The following SETBP1 variants were observed in gnomAD, a reference collection of about 807,000 sequenced individuals.
The protein encoded by SETBP1 is SET binding protein 1, also known as SET-binding protein.
SETBP1 carries 9 observed loss-of-function variants against 101.0 expected under a neutral mutation model. The ratio of observed to expected loss-of-function variants is 0.09; its 90% CI spans 0.05 to 0.16. The LOEUF (loss-of-function observed/expected upper bound fraction) is 0.16. Ranked by LOEUF, SETBP1 falls within the 10% of genes least tolerant of loss-of-function variation. The pLI is 1.00. For missense variants in SETBP1, 1,858 were observed against 2,033.8 expected, an observed-to-expected ratio of 0.91 and a Z score of 1.66; for synonymous variants, 818 against 788.5, an observed-to-expected ratio of 1.04 and a Z score of -0.63.
chr18:44,766,624 G>A (rs1379480130), intron 2 of SETBP1, among the ~76,000 whole-genome samples: 3 of 152,136 alleles, frequency 2.0e-5, no homozygotes, highest in African/African-American at 7.2e-5. Flanking sequence ...GGATGGTGGT[G>A]ATGGTTGCGT....
intron 4 of SETBP1, among the ~76,000 whole-genome samples, chr18:44,996,340 T>A (rs1465464080): frequency 1.3e-5 from 2 of 152,208 alleles, no homozygotes; most frequent in Admixed American, 6.5e-5. Flanking sequence ...AGGCTCTCCA[T>A]CTACAAGGTA....
chr18:45,027,127 A>G (rs927662792), intron 4 of SETBP1, among the ~76,000 whole-genome samples: 4 of 152,212 alleles, frequency 2.6e-5, no homozygotes, highest in Admixed American at 2.0e-4. Context: ...GAATCGAGAG[A>G]GAGTGACTTC....
intron 2 of SETBP1, among the ~76,000 whole-genome samples, chr18:44,826,964 TTTC>T (rs1295872377): frequency 6.6e-6 from 1 of 152,210 alleles, no homozygotes; most frequent in Non-Finnish European, 1.5e-5. Context: ...TTTCTTGAGC[TTTC>T]TTCTTTATAT....
At chr18:44,833,901 G>A (rs992109091) in intron 2 of SETBP1, among the ~76,000 whole-genome samples, 3 of 152,222 alleles carry the variant, frequency 2.0e-5, no homozygotes, top group African/African-American at 4.8e-5. Flanking sequence ...CTGGTTTTGG[G>A]TATAAAAGGT....
intron 2 of SETBP1, among the ~76,000 whole-genome samples, chr18:44,777,916 G>A (rs147070422): frequency 6.6e-6 from 1 of 152,322 alleles, no homozygotes; most frequent in East Asian, 1.9e-4. Context: ...AAGCAGAGAC[G>A]GGGAGCCGCC....
intron 4 of SETBP1, among the ~76,000 whole-genome samples, chr18:45,037,877 G>T (rs1232197192): frequency 1.3e-5 from 2 of 152,214 alleles, no homozygotes; most frequent in East Asian, 3.9e-4. Context: ...TCTGGATCAT[G>T]TTTACTCCCC....
At chr18:44,939,259 C>T (rs2071032807) in intron 3 of SETBP1, among the ~76,000 whole-genome samples, 1 of 152,072 alleles carries the variant, frequency 6.6e-6, no homozygotes, top group Non-Finnish European at 1.5e-5. Flanking sequence ...CCACCACACT[C>T]TACCCTGGAA....
chr18:44,946,149 A>C (rs1412822077), intron 3 of SETBP1, among the ~76,000 whole-genome samples: 1 of 152,204 alleles, frequency 6.6e-6, no homozygotes, highest in Non-Finnish European at 1.5e-5. Flanking sequence ...TCTGCAGCCC[A>C]GCTGAGTGAA....
At chr18:44,766,263 G>A (rs769963956) in intron 2 of SETBP1, among the ~76,000 whole-genome samples, 1 of 152,190 alleles carries the variant, frequency 6.6e-6, no homozygotes, top group Non-Finnish European at 1.5e-5. Flanking sequence ...ATGGGGCTTG[G>A]CTTCAGTTCT....
chr18:44,761,672 G>C (rs888945487), intron 2 of SETBP1, among the ~76,000 whole-genome samples: 1 of 152,196 alleles, frequency 6.6e-6, no homozygotes, highest in Non-Finnish European at 1.5e-5. Flanking sequence ...TGTTATGTCA[G>C]TGTATTTCTT....
chr18:44,768,740 A>G (rs2070813491), intron 2 of SETBP1, among the ~76,000 whole-genome samples: 1 of 152,234 alleles, frequency 6.6e-6, no homozygotes, highest in African/African-American at 2.4e-5. Context: ...TGCAAACCTC[A>G]TAAAGTATAT....
At chr18:45,033,094 T>G (rs1272254249) in intron 4 of SETBP1, among the ~76,000 whole-genome samples, 1 of 152,204 alleles carries the variant, frequency 6.6e-6, no homozygotes, top group Non-Finnish European at 1.5e-5. Context: ...TTCCCCTTAT[T>G]GCCATGAATG....
intron 4 of SETBP1, among the ~76,000 whole-genome samples, chr18:44,994,348 C>A (rs929633829): frequency 2.6e-5 from 4 of 152,098 alleles, no homozygotes; most frequent in Admixed American, 6.5e-5. Context: ...GCCACAATCA[C>A]CCACACTGGC....
At chr18:44,967,444 A>G (rs1285971946) in intron 4 of SETBP1, among the ~76,000 whole-genome samples, 1 of 152,246 alleles carries the variant, frequency 6.6e-6, no homozygotes, top group Non-Finnish European at 1.5e-5. Context: ...TTGGTACTCT[A>G]TCATTGTTGT....
intron 4 of SETBP1, among the ~76,000 whole-genome samples, chr18:44,979,178 G>T (rs191353273): frequency 5.3e-5 from 8 of 152,254 alleles, no homozygotes; most frequent in Non-Finnish European, 1.2e-4. Flanking sequence ...GGGCTTTTTG[G>T]CCATTAGGGG....
chr18:44,874,427 T>A (rs1373991898), intron 3 of SETBP1, among the ~76,000 whole-genome samples: 1 of 152,152 alleles, frequency 6.6e-6, no homozygotes, highest in Admixed American at 6.5e-5. Flanking sequence ...TGAAGGTTCC[T>A]CAATGGGTAG....
At chr18:44,917,819 G>A (rs974467258) in intron 3 of SETBP1, among the ~76,000 whole-genome samples, 1 of 152,104 alleles carries the variant, frequency 6.6e-6, no homozygotes, top group Non-Finnish European at 1.5e-5. Context: ...CTGGGATACT[G>A]GGCTTCAAGG....
In SETBP1 at chr18:45,066,439, A is replaced by G. The variant is rs2073966869; in HGVS notation, c.*2741A>G. 6.6e-6 allele frequency: 1 copy of G among 152,190 alleles called. No individual in the cohort carries two copies. Among genetic ancestry groups the G allele is most frequent in the African/African-American group, 2.4e-5 (1 of 41,438 alleles). 9.4% of individuals were successfully genotyped at this position (152,190 alleles called of 1,614,324 possible). On this transcript the variant is annotated 3_prime_UTR_variant, in exon 6 of 6. Coordinates refer to ENST00000649279, the MANE Select transcript of SETBP1 (RefSeq NM_015559.3). The stretch of plus-strand genomic sequence containing the variant: ...CACCCAGTTCCTCCCTCAGTATCAC[A>G]TTATTTTTTTCTTCTGCTTTTCATT...
chr18:44,918,201 C>T (rs2070490610), intron 3 of SETBP1, among the ~76,000 whole-genome samples: 3 of 152,184 alleles, frequency 2.0e-5, no homozygotes. Flanking sequence ...GCCTGTTCCT[C>T]TGCATTATCT....
Sources: gnomAD v4.1 joint callset for allele counts (sites outside exome capture counted in the v4.1 genomes callset) on GRCh38, gnomAD v4.1.1 for gene constraint, MANE v1.5 for transcripts, NCBI Gene and HGNC (gene_info 2026-07-23, HGNC 2026-07-21) for gene names.